Variants in SLC26A5 observed in about 807,000 individuals in gnomAD.
The protein encoded by SLC26A5 is prestin.
SLC26A5 carries 51 observed loss-of-function variants against 81.0 expected under a neutral mutation model. That is an observed-to-expected ratio of 0.63 (90% confidence interval 0.50 to 0.80). The LOEUF (loss-of-function observed/expected upper bound fraction) is 0.80. Among genes scored for constraint, SLC26A5 ranks in the 30% least tolerant of loss-of-function variants. The pLI is 0.00. For missense variants in SLC26A5, 771 were observed against 905.8 expected, an observed-to-expected ratio of 0.85 and a Z score of 1.91; for synonymous variants, 325 against 332.8, an observed-to-expected ratio of 0.98 and a Z score of 0.25.
At chr7:103,397,163 T>C (rs1254121567) in intron 9 of SLC26A5, among the ~76,000 whole-genome samples, 3 of 148,506 alleles carry the variant, frequency 2.0e-5, no homozygotes, top group African/African-American at 7.5e-5. Flanking sequence ...CTCCAGCACT[T>C]TGGGAAGCTG....
chr7:103,364,437 C>T (rs1057188485), intron 19 of SLC26A5: 61 of 1,029,384 alleles, frequency 5.9e-5, no homozygotes, highest in Non-Finnish European at 7.7e-5. Flanking sequence ...GAGACAGAGT[C>T]TCATTGTGTT....
chr7:103,367,599 G>A lies in SLC26A5; in HGVS notation c.2041+9209C>T, dbSNP rs372290123. On this transcript the variant is annotated intron_variant, in intron 19 of 19. Coordinates refer to the SLC26A5 transcript ENST00000339444. The surrounding 1 kb of genome is among the most constrained non-coding windows in gnomAD (Gnocchi z 6.1). ...AGATTGGATAGAAAAATTGAATTTA[G>A]CTTGCCCGATCTAGAGGTAAGAAAA... 5.6e-6 allele frequency: 9 copies of A among 1,613,984 alleles called. No homozygotes were observed. The highest frequency in any genetic ancestry group is 4.4e-5 in the South Asian group (4 of 91,076).
chr7:103,439,066 T>C (rs1303253642), intron 2 of SLC26A5, among the ~76,000 whole-genome samples: 1 of 152,234 alleles, frequency 6.6e-6, no homozygotes, highest in South Asian at 2.1e-4. Context: ...CATAAGTTTA[T>C]TATGATTTAT....
chr7:103,433,355 T>G (rs1441180255), intron 2 of SLC26A5: 1 of 152,214 alleles, frequency 6.6e-6, no homozygotes, highest in Non-Finnish European at 1.5e-5. Flanking sequence ...ACATTTGTTA[T>G]GTTTTATCCT....
At position 103,374,458 on chromosome 7, in the gene SLC26A5, C is replaced by T; in HGVS notation, c.2176G>A (p.Ala726Thr). Residue 726 changes from alanine to threonine, a missense_variant, in exon 20 of 20, where the codon GCT becomes ACT. Ala to Thr is a moderately conservative substitution (Grantham distance 58). Coordinates refer to ENST00000306312, the MANE Select transcript of SLC26A5 (RefSeq NM_198999.3). ...REALAEQEAS[A>T]PPSQEDLEPN... ...TCCAAGTCCTCCTGGGAAGGGGGAGCCGAGGCTTCCTGTTCAGCAAGTGCC... is the reference window on the plus strand; with the variant it reads ...TCCAAGTCCTCCTGGGAAGGGGGAGTCGAGGCTTCCTGTTCAGCAAGTGCC... 6.2e-7 allele frequency: 1 copy of T among 1,613,046 alleles called. No individual in the cohort carries two copies. Among genetic ancestry groups the T allele is most frequent in the Non-Finnish European group, 8.5e-7 (1 of 1,180,016 alleles).
chr7:103,416,377 A>C (rs989965009), intron 4 of SLC26A5, among the ~76,000 whole-genome samples: 3 of 152,196 alleles, frequency 2.0e-5, no homozygotes, highest in Non-Finnish European at 4.4e-5. Context: ...TTGGGCTATA[A>C]GTTTTTTTGC....
downstream of SLC26A5, among the ~76,000 whole-genome samples, chr7:103,373,362 T>C (rs1821136671): frequency 6.6e-6 from 1 of 152,224 alleles, no homozygotes; most frequent in African/African-American, 2.4e-5. Flanking sequence ...ATCTATGATA[T>C]AATCTAGCAC....
At chr7:103,390,366 C>T in intron 12 of SLC26A5, 63 bp downstream of exon 12, 1 of 1,441,260 alleles carries the variant, frequency 6.9e-7, no homozygotes, top group East Asian at 2.3e-5. Context: ...AGAACATAAA[C>T]AAATAAAATA....
At chr7:103,365,982 G>C (rs1241989036) in intron 19 of SLC26A5, 3 of 982,476 alleles carry the variant, frequency 3.1e-6, no homozygotes, top group Non-Finnish European at 4.6e-6. Flanking sequence ...AATACTGTTA[G>C]GAATAAATAT....
At chr7:103,389,880 A>G (rs4351346) in intron 12 of SLC26A5, among the ~76,000 whole-genome samples, 29,944 of 152,078 alleles carry the variant, frequency 0.2, 3,511 homozygotes, top group African/African-American at 0.32. Context: ...TGCCCGCCTC[A>G]GCCTCCCAAA....
At chr7:103,365,558 G>A (rs569066607) in intron 19 of SLC26A5, among the ~76,000 whole-genome samples, 17 of 152,322 alleles carry the variant, frequency 1.1e-4, no homozygotes, top group African/African-American at 3.6e-4. Flanking sequence ...GAACCCAGAA[G>A]GCGAAGGTTG....
intron 9 of SLC26A5, among the ~76,000 whole-genome samples, chr7:103,396,783 T>C (rs1283178067): frequency 1.3e-5 from 2 of 152,136 alleles, no homozygotes; most frequent in African/African-American, 4.8e-5. Flanking sequence ...TTAACACTAC[T>C]GAACTGTACA....
At chr7:103,400,653 C>G (rs1164811205) in intron 8 of SLC26A5, among the ~76,000 whole-genome samples, 1 of 152,188 alleles carries the variant, frequency 6.6e-6, no homozygotes, top group Admixed American at 6.5e-5. Context: ...TGCCTATGTC[C>G]TGAATGGTAC....
chr7:103,428,560 T>TCTACCCTACCAGTAC (rs2116779753), intron 2 of SLC26A5, among the ~76,000 whole-genome samples: 1 of 40,748 alleles, frequency 2.5e-5, no homozygotes, highest in African/African-American at 5.3e-4. Flanking sequence ...TGCCAGTACT[T>TCTACCCTACCAGTAC]TTTTTTTTTT....
At position 103,392,350 on chromosome 7, in the gene SLC26A5, T is replaced by C. The variant is rs183412765; in HGVS notation, c.1119+569A>G. 2.9e-3 allele frequency among the ~76,000 whole-genome samples: 435 copies of C among 152,300 alleles called. 4 individuals carry two copies. The highest frequency in any genetic ancestry group is 0.01 in the African/African-American group (418 of 41,566). ...AAAGTAGGTGACAAAGAGAATATTGTGGAGTTAGTGATGAATCAGATACCC... is the reference window on the plus strand; with the variant it reads ...AAAGTAGGTGACAAAGAGAATATTGCGGAGTTAGTGATGAATCAGATACCC... On this transcript the variant is annotated intron_variant, in intron 10 of 19. Transcript: ENST00000306312.
At chr7:103,400,092 G>A (rs545682480) in intron 8 of SLC26A5, among the ~76,000 whole-genome samples, 7 of 151,706 alleles carry the variant, frequency 4.6e-5, no homozygotes, top group African/African-American at 1.2e-4. Flanking sequence ...ACCCAGTAAC[G>A]GGATTGCTGG....
chr7:103,413,525 T>C (rs1824671481), intron 4 of SLC26A5, among the ~76,000 whole-genome samples: 1 of 152,108 alleles, frequency 6.6e-6, no homozygotes, highest in African/African-American at 2.4e-5. Context: ...TATGTAATGC[T>C]CCCTCCTCCT....
intron 19 of SLC26A5, chr7:103,362,794 C>CTTTTT (rs368268286): frequency 3.7e-5 from 31 of 840,002 alleles, no homozygotes; most frequent in African/African-American, 2.4e-4. Flanking sequence ...AAGGCTATGT[C>CTTTTT]TTTTTTTTTT....
At chr7:103,389,496 C>T in intron 12 of SLC26A5, 72 bp from the exon 13 acceptor site, 1 of 1,104,090 alleles carries the variant, frequency 9.1e-7, no homozygotes. Context: ...TCCTCACTGT[C>T]CTCCTGCTGT....
Sources: allele counts gnomAD v4.1 joint callset (sites outside exome capture counted in the v4.1 genomes callset), GRCh38; gene constraint gnomAD v4.1.1; non-coding constraint Gnocchi (gnomAD v3.1); transcripts MANE v1.5; gene names NCBI Gene and HGNC (gene_info 2026-07-23, HGNC 2026-07-21).